The following FOXN3 variants were observed in gnomAD, a reference collection of about 807,000 sequenced individuals.
The protein encoded by FOXN3 is forkhead box protein N3.
In FOXN3, 7 loss-of-function variants were observed where a neutral mutation model predicts 38.4. The observed-to-expected ratio is 0.18, with a 90% CI of 0.10 to 0.34. The LOEUF is 0.34. Ranked by LOEUF, FOXN3 falls within the 10% of genes least tolerant of loss-of-function variation. The probability of loss-of-function intolerance (pLI) is 1.00; values close to 1 mark genes in which losing one functional copy is unlikely to be tolerated. For missense variants in FOXN3, 456 were observed against 613.4 expected (o/e 0.74, Z 2.71); for synonymous variants, 230 against 242.2 (o/e 0.95, Z 0.47).
At chr14:89,180,838 C>A (rs186091191) in intron 4 of FOXN3, 32 bp from the exon 5 acceptor site, 33 of 1,542,278 alleles carry the variant, frequency 2.1e-5, no homozygotes, top group South Asian at 7.0e-5. Flanking sequence ...AGACACCGCA[C>A]GTGAATTCAA....
intron 1 of FOXN3, among the ~76,000 whole-genome samples, chr14:89,573,272 C>T (rs1216234071): frequency 2.6e-5 from 4 of 152,130 alleles, no homozygotes; most frequent in African/African-American, 9.7e-5. Flanking sequence ...GGCAAGCAAT[C>T]CCGAAGCAGA....
chr14:89,460,704 G>A (rs886154916), intron 1 of FOXN3, among the ~76,000 whole-genome samples: 3 of 152,118 alleles, frequency 2.0e-5, no homozygotes, highest in Non-Finnish European at 2.9e-5. Flanking sequence ...AGGCATTGGG[G>A]AATCCACAAA....
intron 3 of FOXN3, among the ~76,000 whole-genome samples, chr14:89,296,518 G>A (rs555173033): frequency 3.5e-4 from 54 of 152,328 alleles, no homozygotes; most frequent in African/African-American, 1.3e-3. Flanking sequence ...GTGGAGTTAA[G>A]GGAGGCAGAG....
intron 1 of FOXN3, among the ~76,000 whole-genome samples, chr14:89,485,036 C>CT (rs1893416714): frequency 1.3e-5 from 2 of 151,842 alleles, no homozygotes; most frequent in African/African-American, 4.8e-5. Context: ...TCTGTAGCCC[C>CT]AGCTACTCAG....
At chr14:89,443,630 C>G (rs1390963172) in intron 1 of FOXN3, among the ~76,000 whole-genome samples, 4 of 152,092 alleles carry the variant, frequency 2.6e-5, no homozygotes, top group Non-Finnish European at 5.9e-5. Flanking sequence ...GTGAGGAAAC[C>G]TAAGAGCAGA....
rs1566680807 is a variant in FOXN3 at position 89,511,146 on chromosome 14, TTTCTTTCTTTCTTTC to T, written c.-14-98671_-14-98657del. On this transcript the variant is annotated intron_variant, in intron 1 of 6. Transcript: ENST00000345097. ...TGTCTTTCTTTCTTTCTTTCTTTTC[TTTCTTTCTTTCTTTC>T]TTTCTTTCTTTCTTTCTTTCTTTCT... 3.6e-3 allele frequency among the ~76,000 whole-genome samples: 156 copies of T among 43,700 alleles called. 49 individuals are homozygous for T. The highest frequency in any genetic ancestry group is 7.2e-3 in the Non-Finnish European group (143 of 19,970). 28.7% of individuals were successfully genotyped at this position (43,700 alleles called of 152,430 possible).
chr14:89,245,251 G>A (rs369118854), intron 4 of FOXN3, among the ~76,000 whole-genome samples: 27 of 152,168 alleles, frequency 1.8e-4, no homozygotes, highest in African/African-American at 6.3e-4. Flanking sequence ...ATACGCAGGT[G>A]GGTCATTCGG....
chr14:89,598,571 C>T (rs1473020247), intron 1 of FOXN3, among the ~76,000 whole-genome samples: 8 of 152,316 alleles, frequency 5.3e-5, no homozygotes, highest in South Asian at 2.1e-4. Context: ...AGGCATGAGC[C>T]GCCATGCTCA....
intron 4 of FOXN3, chr14:89,264,105 GA>G (rs1885893049): frequency 6.6e-6 from 1 of 152,246 alleles, no homozygotes; most frequent in Non-Finnish European, 1.5e-5. Flanking sequence ...AGCACCCTAT[GA>G]ACTAACAGGG....
At chr14:89,262,662 G>A (rs1264284201) in intron 4 of FOXN3, among the ~76,000 whole-genome samples, 1 of 152,096 alleles carries the variant, frequency 6.6e-6, no homozygotes, top group East Asian at 1.9e-4. Flanking sequence ...CCTGAATATG[G>A]GGCTAACAGA....
chr14:89,355,779 A>G (rs1889194783), intron 2 of FOXN3, among the ~76,000 whole-genome samples: 1 of 152,242 alleles, frequency 6.6e-6, no homozygotes, highest in South Asian at 2.1e-4. Context: ...CCGGGTCAAC[A>G]AAGTTTGGTA....
Position 89,538,836 on chromosome 14 carries a change from A to C in FOXN3, c.-15+80192T>G, listed in dbSNP as rs1894740481. ...ACCTGGCCTTTTATTATTATTATTT[A>C]TTTATTTATCTATTTATTTATTTTT... On this transcript the variant is annotated intron_variant, in intron 1 of 6. Transcript: ENST00000345097. 2.0e-5 allele frequency among the ~76,000 whole-genome samples: 3 copies of C among 151,170 alleles called. No individual in the cohort carries two copies. In the South Asian group the frequency reaches 6.3e-4, roughly 32 times the overall value.
At chr14:89,478,650 G>T (rs913181386) in intron 1 of FOXN3, among the ~76,000 whole-genome samples, 1 of 151,858 alleles carries the variant, frequency 6.6e-6, no homozygotes, top group African/African-American at 2.4e-5. Flanking sequence ...CCACAACACC[G>T]ACTGAGCACA....
At chr14:89,285,211 G>T (rs1021201540) in intron 3 of FOXN3, among the ~76,000 whole-genome samples, 8 of 152,166 alleles carry the variant, frequency 5.3e-5, no homozygotes, top group Non-Finnish European at 8.8e-5. Flanking sequence ...TGCCAAATGT[G>T]AACTAGGACC....
At chr14:89,216,732 C>T (rs1884296175) in intron 4 of FOXN3, among the ~76,000 whole-genome samples, 1 of 152,206 alleles carries the variant, frequency 6.6e-6, no homozygotes, top group Non-Finnish European at 1.5e-5. Context: ...CGGTTTTATC[C>T]ATGATGCCAC....
intron 3 of FOXN3, among the ~76,000 whole-genome samples, chr14:89,312,709 G>A (rs1055041075): frequency 1.3e-5 from 2 of 152,096 alleles, no homozygotes; most frequent in Non-Finnish European, 2.9e-5. Context: ...GGTAGACCCT[G>A]GGAAAGTTAC....
chr14:89,172,460 G>A (rs1887414370), intron 5 of FOXN3, among the ~76,000 whole-genome samples: 1 of 152,156 alleles, frequency 6.6e-6, no homozygotes, highest in African/African-American at 2.4e-5. Context: ...AACCATAATA[G>A]GGTGTCTTTT....
chr14:89,348,065 C>T (rs1359731517), intron 3 of FOXN3, among the ~76,000 whole-genome samples: 3 of 151,982 alleles, frequency 2.0e-5, no homozygotes, highest in Admixed American at 1.3e-4. Context: ...TCGCTTTTCC[C>T]GCAGCATTTC....
chr14:89,533,054 G>A (rs1383245637), intron 1 of FOXN3, among the ~76,000 whole-genome samples: 1 of 152,156 alleles, frequency 6.6e-6, no homozygotes, highest in Non-Finnish European at 1.5e-5. Flanking sequence ...AGGTCATGTA[G>A]AGAATAAAAA....
Sources: gnomAD v4.1 joint callset for allele counts (sites outside exome capture counted in the v4.1 genomes callset) on GRCh38, gnomAD v4.1.1 for gene constraint, MANE v1.5 for transcripts, NCBI Gene and HGNC (gene_info 2026-07-23, HGNC 2026-07-21) for gene names.